The following ZFHX3 variants were observed in gnomAD, a reference collection of about 807,000 sequenced individuals.
ZFHX3 encodes zinc finger homeobox 3, also known as zinc finger homeobox protein 3.
A neutral mutation model predicts 279.1 loss-of-function variants in ZFHX3; 42 were observed. That is an observed-to-expected ratio of 0.15 (90% CI 0.12 to 0.19). The LOEUF (loss-of-function observed/expected upper bound fraction) is 0.19, where lower values mean the gene tolerates loss of function less well. ZFHX3 is among the 10% of genes least tolerant of loss of function. The probability of loss-of-function intolerance (pLI) is 1.00; values close to 1 mark genes in which losing one functional copy is unlikely to be tolerated. For missense variants in ZFHX3, 4,981 were observed against 4,754.0 expected, an observed-to-expected ratio of 1.05 and a Z score of -1.40; for synonymous variants, 2,293 against 1,957.8, an observed-to-expected ratio of 1.17 and a Z score of -4.52.
At position 73,246,655 on chromosome 16, in the gene ZFHX3, T is replaced by G. The variant is rs1378120935; in HGVS notation, c.-1104+10392A>C. The stretch of plus-strand genomic sequence containing the variant: ...AAAGGAGAGAGCCATGATAACACAA[T>G]GTCCTTCTAAATGCTCGTATCTTAA... On this transcript the variant is annotated intron_variant, in intron 5 of 17. Coordinates refer to the ZFHX3 transcript ENST00000641206. Among the ~76,000 whole-genome samples the G allele has an allele frequency of 5.9e-5, 9 of 152,362 alleles. No individual in the cohort carries two copies. The South Asian group carries it at 1.4e-3, about 25-fold the overall frequency.
Position 72,786,965 on chromosome 16 carries a change from G to GAAAA in ZFHX3, c.*195_*198dup, listed in dbSNP as rs1287630716. ...TTTTTTTTTTAATATTAAAAGAAAAGAAAAAGACAAGAATGTAAAATCACC... is the reference window on the plus strand; with the variant it reads ...TTTTTTTTTTAATATTAAAAGAAAAGAAAAAAAAAGACAAGAATGTAAAATCACC... On this transcript the variant is annotated 3_prime_UTR_variant, in exon 10 of 10. Coordinates refer to ENST00000268489, the MANE Select transcript of ZFHX3 (RefSeq NM_006885.4). 4.9e-5 allele frequency: 14 copies of GAAAA among 287,092 alleles called. No individual in the cohort carries two copies. The highest frequency in any genetic ancestry group is 7.3e-5 in the African/African-American group (3 of 41,332). 17.8% of individuals were successfully genotyped at this position (287,092 alleles called of 1,614,324 possible). A position where few individuals can be genotyped will look rare whatever the true frequency, so the allele number is the denominator to read the frequency against.
rs1340177442 is a variant in ZFHX3, at chr16:72,795,251, C to T, written c.7431G>A (p.Leu2477=). Residue 2477 remains leucine, a synonymous_variant, in exon 9 of 10, where the codon CTG becomes CTA. Transcript: ENST00000268489. ...PQQKLPQLVS[L]PSLPQPPPQA... ...GTGGAGGAGGCTGTGGCAACGAAGG[C>T]AGGGACACCAGCTGGGGGAGCTTCT... 6.2e-7 allele frequency: 1 copy of T among 1,611,450 alleles called. No homozygotes were observed. The highest frequency in any genetic ancestry group is 8.5e-7 in the Non-Finnish European group (1 of 1,178,572).
intron 4 of ZFHX3, among the ~76,000 whole-genome samples, chr16:72,876,691 A>G (rs920987019): frequency 6.6e-6 from 1 of 152,248 alleles, no homozygotes; most frequent in Non-Finnish European, 1.5e-5. Context: ...TGGCTGGTCC[A>G]ATCTGGAAGA....
chr16:73,761,593 G>C (rs528359570), intron 1 of ZFHX3, among the ~76,000 whole-genome samples: 4 of 152,178 alleles, frequency 2.6e-5, no homozygotes, highest in African/African-American at 9.6e-5. Flanking sequence ...ATACTACAAG[G>C]CTATAGTAAT....
intron 2 of ZFHX3, among the ~76,000 whole-genome samples, chr16:73,553,363 G>A (rs2020229903): frequency 6.6e-6 from 1 of 152,134 alleles, no homozygotes; most frequent in Non-Finnish European, 1.5e-5. Flanking sequence ...TTCTCTGAAA[G>A]CATCACATGA....
intron 1 of ZFHX3, among the ~76,000 whole-genome samples, chr16:72,976,650 A>C (rs1962360372): frequency 6.6e-6 from 1 of 152,184 alleles, no homozygotes; most frequent in Admixed American, 6.5e-5. Flanking sequence ...ACTGGGATTC[A>C]CTATGTCAAC....
intron 1 of ZFHX3, among the ~76,000 whole-genome samples, chr16:73,728,008 G>A (rs965317822): frequency 3.1e-4 from 19 of 62,188 alleles, no homozygotes; most frequent in South Asian, 8.4e-4. Flanking sequence ...TTTATGAGCC[G>A]AATTGTGCCC....
At chr16:72,810,573 A>G (rs1266127914) in intron 7 of ZFHX3, among the ~76,000 whole-genome samples, 1 of 152,242 alleles carries the variant, frequency 6.6e-6, no homozygotes, top group Admixed American at 6.5e-5. Flanking sequence ...TTATATTACA[A>G]TTAGATTTAC....
chr16:72,899,704 A>T (rs1278688309), intron 3 of ZFHX3, among the ~76,000 whole-genome samples: 1 of 151,970 alleles, frequency 6.6e-6, no homozygotes. Context: ...AGTCACATAC[A>T]CTGTTGGGTC....
Position 72,788,711 on chromosome 16 carries a change from C to T in ZFHX3, c.9565G>A (p.Ala3189Thr). The T allele has an allele frequency of 6.2e-7, 1 of 1,610,710 alleles. No homozygotes were observed. The highest frequency in any genetic ancestry group is 8.5e-7 in the Non-Finnish European group (1 of 1,178,178). The change falls in exon 10 of 10, where the codon GCG becomes ACG. Residue 3189 changes from alanine (A) to threonine (T), a missense_variant. Ala to Thr is a moderately conservative substitution (Grantham distance 58). Coordinates refer to ENST00000268489, the MANE Select transcript of ZFHX3 (RefSeq NM_006885.4). ...SSPTPAQATMAMGPQQPPQQQ... is the reference protein window; with the variant it reads ...SSPTPAQATMTMGPQQPPQQQ... ...TGGGGGGGTTGCTGAGGGCCCATCG[C>T]CATCGTGGCTTGTGCTGGGGTTGGG...
chr16:73,537,943 A>G (rs557393090), intron 2 of ZFHX3, among the ~76,000 whole-genome samples: 97 of 151,960 alleles, frequency 6.4e-4, no homozygotes, highest in African/African-American at 2.3e-3. Flanking sequence ...ACTAAAAGTA[A>G]CTCTTACCCT....
chr16:72,983,245 AT>A lies in ZFHX3; in HGVS notation c.-49-23052del, dbSNP rs1341930268. On this transcript the variant is annotated intron_variant, in intron 1 of 9. Transcript: ENST00000268489. Reference sequence around the variant, plus strand: ...AGTCCAACTGACTAAGCTGAGTGACATTTTTAGGAAGAGCATTAATGCGGAA... The same window carrying A: ...AGTCCAACTGACTAAGCTGAGTGACATTTTAGGAAGAGCATTAATGCGGAA... Among the ~76,000 whole-genome samples the A allele has an allele frequency of 9.2e-5, 14 of 152,196 alleles. 1 individual carries two copies. Among genetic ancestry groups the A allele is most frequent in the Non-Finnish European group, 1.5e-5 (1 of 68,028 alleles).
chr16:73,869,767 G>C (rs984040579), intron 1 of ZFHX3, among the ~76,000 whole-genome samples: 1 of 152,194 alleles, frequency 6.6e-6, no homozygotes, highest in African/African-American at 2.4e-5. Context: ...ATAAGACTTA[G>C]AGAGAAACCA....
chr16:73,047,439 A>G (rs1239203678), intron 1 of ZFHX3, among the ~76,000 whole-genome samples: 1 of 152,184 alleles, frequency 6.6e-6, no homozygotes, highest in Middle Eastern at 3.2e-3. Context: ...GGAGGCACCC[A>G]AACTTCTAAA....
chr16:73,277,766 G>C (rs550815011), intron 4 of ZFHX3, among the ~76,000 whole-genome samples: 1 of 152,318 alleles, frequency 6.6e-6, no homozygotes, highest in African/African-American at 2.4e-5. Context: ...TTAAAGAAAA[G>C]AGGTTTAGTT....
chr16:73,794,230 G>A (rs952338976), intron 1 of ZFHX3: 1 of 152,176 alleles, frequency 6.6e-6, no homozygotes, highest in Non-Finnish European at 1.5e-5. Flanking sequence ...GCTACAGGAG[G>A]GTGGACATCG....
At chr16:72,922,239 C>T (rs931932022) in intron 3 of ZFHX3, among the ~76,000 whole-genome samples, 2 of 152,172 alleles carry the variant, frequency 1.3e-5, no homozygotes, top group Non-Finnish European at 2.9e-5. Context: ...CACCCAATTC[C>T]TCCTTGCAGT....
At chr16:73,518,693 C>T (rs368627666) in intron 2 of ZFHX3, among the ~76,000 whole-genome samples, 26 of 151,962 alleles carry the variant, frequency 1.7e-4, no homozygotes, top group African/African-American at 5.3e-4. Flanking sequence ...CAGGTTTTGC[C>T]GAAAGAAAAA....
rs549521421 is a variant in ZFHX3 at position 73,071,483 on chromosome 16, G to A, written c.-532-12471C>T. 7.2e-5 allele frequency among the ~76,000 whole-genome samples: 11 copies of A among 152,072 alleles called. No homozygotes were observed. In the East Asian group the frequency reaches 1.9e-3, roughly 27 times the overall value. On this transcript the variant is annotated intron_variant, in intron 8 of 17. Coordinates refer to the ZFHX3 transcript ENST00000641206. ...TGCTGCTGCTGCTGCTGCTGCCGCC[G>A]CCGCCGCCGCCGCCGATACTGCTGC...
Sources: gnomAD v4.1 joint callset for allele counts (sites outside exome capture counted in the v4.1 genomes callset) on GRCh38, gnomAD v4.1.1 for gene constraint, MANE v1.5 for transcripts, NCBI Gene and HGNC (gene_info 2026-07-23, HGNC 2026-07-21) for gene names.